SLC24A4: variants seen among roughly 807,000 people sequenced by gnomAD.
SLC24A4 encodes sodium/potassium/calcium exchanger 4.
Under a neutral mutation model 79.0 loss-of-function variants are expected in SLC24A4, and 53 were observed. That is an observed-to-expected ratio of 0.67 (90% CI 0.54 to 0.84). The LOEUF is 0.84. SLC24A4 is among the 40% of genes least tolerant of loss of function. The pLI is 0.00. For synonymous variants in SLC24A4, 323 were observed against 323.8 expected (o/e 1.00, Z 0.03); for missense variants, 731 against 822.0 (o/e 0.89, Z 1.35).
intron 2 of SLC24A4, among the ~76,000 whole-genome samples, chr14:92,431,021 C>T (rs1217934909): frequency 2.0e-5 from 3 of 152,228 alleles, no homozygotes; most frequent in Non-Finnish European, 4.4e-5. Context: ...AGAAGGAAGG[C>T]TTTCTCAGGA....
chr14:92,346,528 C>T (rs1320401308), intron 2 of SLC24A4, among the ~76,000 whole-genome samples: 4 of 152,074 alleles, frequency 2.6e-5, no homozygotes, highest in African/African-American at 7.2e-5. Context: ...AGGTCATAAG[C>T]GAGGGATAGA....
chr14:92,449,208 T>G lies in SLC24A4; in HGVS notation c.872T>G (p.Leu291Arg). Residue 291 changes from leucine (L) to arginine (R), a missense_variant, in exon 10 of 17, where the codon CTG becomes CGG. Physicochemically the swap from Leu to Arg is moderately radical, Grantham distance 102. Coordinates refer to ENST00000532405, the MANE Select transcript of SLC24A4 (RefSeq NM_153646.4). ...GSYDDPSVPL[L>R]GQVKEKPQYG... Reference sequence around the variant, plus strand: ...TATGATGACCCTTCCGTGCCATTGCTGGGGCAAGGTAAGGCTGAGCAGACA... The same window carrying G: ...TATGATGACCCTTCCGTGCCATTGCGGGGGCAAGGTAAGGCTGAGCAGACA... 1.2e-6 allele frequency: 2 copies of G among 1,613,916 alleles called. No individual in the cohort carries two copies. Among genetic ancestry groups the G allele is most frequent in the Non-Finnish European group, 1.7e-6 (2 of 1,179,992 alleles).
intron 14 of SLC24A4, among the ~76,000 whole-genome samples, chr14:92,489,119 C>T (rs1895532277): frequency 6.6e-6 from 1 of 151,982 alleles, no homozygotes; most frequent in South Asian, 2.1e-4. Context: ...ATATGATTGA[C>T]AGGGACTCCA....
chr14:92,468,504 A>T (rs1252319506), intron 12 of SLC24A4, among the ~76,000 whole-genome samples: 1 of 152,208 alleles, frequency 6.6e-6, no homozygotes, highest in East Asian at 1.9e-4. Flanking sequence ...TGCCTGCAAA[A>T]CTTACTACAA....
At chr14:92,469,876 A>G (rs1894341360) in intron 12 of SLC24A4, among the ~76,000 whole-genome samples, 1 of 152,212 alleles carries the variant, frequency 6.6e-6, no homozygotes, top group Admixed American at 6.5e-5. Context: ...ATAGAGACAG[A>G]AAATTAATTA....
At chr14:92,365,461 A>G (rs972928773) in intron 2 of SLC24A4, among the ~76,000 whole-genome samples, 1 of 152,188 alleles carries the variant, frequency 6.6e-6, no homozygotes, top group Non-Finnish European at 1.5e-5. Flanking sequence ...GGACACCCCA[A>G]TCCCCGGGGA....
chr14:92,344,888 A>G (rs1418954960), intron 2 of SLC24A4, among the ~76,000 whole-genome samples: 1 of 152,156 alleles, frequency 6.6e-6, no homozygotes, highest in East Asian at 1.9e-4. Flanking sequence ...GTGTCTAAGC[A>G]CTACCTGTTT....
chr14:92,483,676 C>A (rs566680442), intron 13 of SLC24A4: 1 of 1,242,800 alleles, frequency 8.0e-7, no homozygotes, highest in African/African-American at 1.5e-5. Context: ...CCTCCTTCCC[C>A]ACTCTCTGTA....
chr14:92,340,733 A>G (rs1193853328), intron 2 of SLC24A4, among the ~76,000 whole-genome samples: 2 of 152,078 alleles, frequency 1.3e-5, no homozygotes, highest in Admixed American at 1.3e-4. Context: ...CAGAAGCACA[A>G]CCGAGAGGGG....
intron 12 of SLC24A4, among the ~76,000 whole-genome samples, chr14:92,472,895 T>C: frequency 6.6e-6 from 1 of 152,162 alleles, no homozygotes; most frequent in East Asian, 1.9e-4. Flanking sequence ...CTAGTTGACA[T>C]TCCCACCAGC....
At chr14:92,381,035 G>A (rs777394223) in intron 2 of SLC24A4, among the ~76,000 whole-genome samples, 2 of 152,174 alleles carry the variant, frequency 1.3e-5, no homozygotes, top group Non-Finnish European at 2.9e-5. Context: ...ACACAACACT[G>A]ATCTAGAACC....
intron 7 of SLC24A4, among the ~76,000 whole-genome samples, chr14:92,444,809 C>A (rs987372948): frequency 2.6e-5 from 4 of 152,000 alleles, no homozygotes; most frequent in Admixed American, 2.6e-4. Context: ...GAGCCAAAAT[C>A]GCACTGCTGC....
At chr14:92,437,324 C>T (rs1220346842) in intron 3 of SLC24A4, among the ~76,000 whole-genome samples, 1 of 152,186 alleles carries the variant, frequency 6.6e-6, no homozygotes, top group Non-Finnish European at 1.5e-5. Flanking sequence ...CAATTTGCTT[C>T]TTTGTTCCCC....
rs1407310511 is a variant in SLC24A4 at position 92,423,149 on chromosome 14, AT to A, written c.242-10754del. Among the ~76,000 whole-genome samples the A allele has an allele frequency of 6.1e-3, 417 of 68,450 alleles. 1 individual carries two copies. Among genetic ancestry groups the A allele is most frequent in the African/African-American group, 0.019 (382 of 20,050 alleles). 44.9% of individuals were successfully genotyped at this position (68,450 alleles called of 152,430 possible). ...ATTTAATTTAATTTTATTTCATTTCATTTTTTTTTGAGACAGAGTCTCACTT... is the reference window on the plus strand; with the variant it reads ...ATTTAATTTAATTTTATTTCATTTCATTTTTTTTGAGACAGAGTCTCACTT... On this transcript the variant is annotated intron_variant, in intron 2 of 16. Coordinates refer to ENST00000532405, the MANE Select transcript of SLC24A4 (RefSeq NM_153646.4).
intron 12 of SLC24A4, among the ~76,000 whole-genome samples, chr14:92,461,169 G>A (rs1484831062): frequency 1.3e-5 from 2 of 152,190 alleles, no homozygotes; most frequent in Non-Finnish European, 2.9e-5. Context: ...TGAGCCTGCT[G>A]AGGCTGCTCC....
intron 12 of SLC24A4, among the ~76,000 whole-genome samples, chr14:92,477,450 T>C (rs1894829251): frequency 1.3e-5 from 2 of 152,132 alleles, no homozygotes; most frequent in South Asian, 4.1e-4. Flanking sequence ...CTTTTCCTTT[T>C]TTTGTTGTTG....
chr14:92,448,815 T>A (rs1279622456), intron 9 of SLC24A4, among the ~76,000 whole-genome samples: 1 of 152,196 alleles, frequency 6.6e-6, no homozygotes, highest in Non-Finnish European at 1.5e-5. Flanking sequence ...GTCATTTTCT[T>A]AGGTGAAAGT....
intron 4 of SLC24A4, among the ~76,000 whole-genome samples, chr14:92,440,892 C>T (rs904843051): frequency 5.9e-5 from 9 of 151,492 alleles, no homozygotes; most frequent in South Asian, 2.1e-4. Context: ...GCATCCCAGG[C>T]GGAAGGAATG....
At chr14:92,469,490 G>A (rs12897935) in intron 12 of SLC24A4, among the ~76,000 whole-genome samples, 101,560 of 150,694 alleles carry the variant, frequency 0.67, 35,361 homozygotes, top group Non-Finnish European at 0.76. Flanking sequence ...GCCTGGGCAC[G>A]GAGTGAGACT....
Sources: allele counts gnomAD v4.1 joint callset (sites outside exome capture counted in the v4.1 genomes callset), GRCh38; gene constraint gnomAD v4.1.1; transcripts MANE v1.5; gene names NCBI Gene and HGNC (gene_info 2026-07-23, HGNC 2026-07-21).